Variants in SAMMSON observed in about 807,000 individuals in gnomAD.
SAMMSON encodes the protein long intergenic non-protein coding RNA 1212.
At chr3:70,229,638 A>G (rs1701540198) in intron 4 of SAMMSON, among the ~76,000 whole-genome samples, 1 of 152,122 alleles carries the variant, frequency 6.6e-6, no homozygotes, top group South Asian at 2.1e-4. Context: ...TTCTCTACTT[A>G]TTGGCCAGCT....
chr3:70,337,268 T>A (rs1390333738), intron 7 of SAMMSON, among the ~76,000 whole-genome samples: 2 of 150,636 alleles, frequency 1.3e-5, no homozygotes, highest in African/African-American at 4.9e-5. Context: ...GAGTTTTATG[T>A]CTCCTGCTCT....
chr3:70,409,401 T>C (rs999449385), intron 2 of SAMMSON, among the ~76,000 whole-genome samples: 2 of 152,144 alleles, frequency 1.3e-5, no homozygotes, highest in African/African-American at 4.8e-5. Context: ...ACAACGTTTT[T>C]TGCATACAGA....
chr3:70,179,473 C>T (rs1416789517), intron 4 of SAMMSON, among the ~76,000 whole-genome samples: 5 of 152,238 alleles, frequency 3.3e-5, no homozygotes, highest in Admixed American at 2.6e-4. Flanking sequence ...CCTGCTCCCT[C>T]AGCTGCTCTT....
chr3:70,375,633 TATC>T (rs1347317174), intron 9 of SAMMSON, among the ~76,000 whole-genome samples: 1 of 152,190 alleles, frequency 6.6e-6, no homozygotes, highest in African/African-American at 2.4e-5. Flanking sequence ...AAATATGGCA[TATC>T]AACAGGATTA....
In SAMMSON at chr3:70,372,608, A is replaced by T. The variant is rs576464224; in HGVS notation, n.913+14284A>T. 2.0e-5 allele frequency among the ~76,000 whole-genome samples: 3 copies of T among 152,030 alleles called. No homozygotes were observed. The East Asian group carries it at 5.8e-4, about 29-fold the overall frequency. The stretch of plus-strand genomic sequence containing the variant: ...AGCCACCATGCCCACACTATTTTTT[A>T]ATGTTGAGTTTTGACAGCTCTTTAC... On this transcript the variant is annotated intron_variant and non_coding_transcript_variant, in intron 9 of 9. Coordinates refer to ENST00000642114, the Ensembl canonical transcript of SAMMSON.
intron 4 of SAMMSON, among the ~76,000 whole-genome samples, chr3:70,181,026 C>T (rs1025009978): frequency 2.0e-5 from 3 of 152,060 alleles, no homozygotes; most frequent in South Asian, 2.1e-4. Flanking sequence ...CAGATCTTCC[C>T]GGCCTGGCAA....
At chr3:70,292,577 A>G (rs761405810) in intron 7 of SAMMSON, among the ~76,000 whole-genome samples, 1 of 152,102 alleles carries the variant, frequency 6.6e-6, no homozygotes, top group Non-Finnish European at 1.5e-5. Context: ...AGTATTTTTT[A>G]TGCCAAACTA....
chr3:70,372,315 T>C (rs1279688518), intron 9 of SAMMSON, among the ~76,000 whole-genome samples: 1 of 151,924 alleles, frequency 6.6e-6, no homozygotes, highest in Non-Finnish European at 1.5e-5. Context: ...TTTATTTATA[T>C]ATTTATTTAT....
At chr3:70,186,341 C>CT (rs1429512530) in intron 4 of SAMMSON, among the ~76,000 whole-genome samples, 7 of 151,692 alleles carry the variant, frequency 4.6e-5, no homozygotes, top group South Asian at 4.2e-4. Context: ...TCACTGCAGC[C>CT]TTGATGTCCT....
intron 1 of SAMMSON, among the ~76,000 whole-genome samples, chr3:70,010,876 C>G (rs962505364): frequency 6.6e-6 from 1 of 152,082 alleles, no homozygotes; most frequent in African/African-American, 2.4e-5. Context: ...ATGCCAGACG[C>G]TTATAAAACC....
At chr3:70,004,604 A>G (rs1214602967) in intron 1 of SAMMSON, among the ~76,000 whole-genome samples, 1 of 152,168 alleles carries the variant, frequency 6.6e-6, no homozygotes, top group Non-Finnish European at 1.5e-5. Flanking sequence ...GAAACAAAGA[A>G]ATACCTAAAC....
In SAMMSON at chr3:70,064,680, G is replaced by A. The variant is rs368542647; in HGVS notation, n.418-6796G>A. On this transcript the variant is annotated intron_variant and non_coding_transcript_variant, in intron 3 of 9. Transcript: ENST00000642114. ...CAAGGGAAGAAAGCTGTTAGAGGCA[G>A]GAGCAGATGTAAGGAAGGCACAAAA... Among the ~76,000 whole-genome samples, 131 of 152,252 alleles carry A rather than the reference G, an allele frequency of 8.6e-4. 2 individuals are homozygous for A. In the South Asian group the frequency reaches 0.027, roughly 31 times the overall value.
At chr3:70,405,931 A>T (rs1171194012) in intron 2 of SAMMSON, among the ~76,000 whole-genome samples, 1 of 152,344 alleles carries the variant, frequency 6.6e-6, no homozygotes, top group East Asian at 1.9e-4. Flanking sequence ...AGAAGAAAAA[A>T]TCTTAACCAA....
At chr3:70,085,266 T>A (rs550011788) in intron 4 of SAMMSON, among the ~76,000 whole-genome samples, 118 of 151,860 alleles carry the variant, frequency 7.8e-4, no homozygotes, top group African/African-American at 2.7e-3. Flanking sequence ...GTTATCTGCT[T>A]AATATCCTTC....
chr3:70,298,304 G>T (rs1296068021), intron 7 of SAMMSON, among the ~76,000 whole-genome samples: 1 of 151,990 alleles, frequency 6.6e-6, no homozygotes, highest in Non-Finnish European at 1.5e-5. Context: ...ATTTTCAAGT[G>T]CTTGTTTCAC....
chr3:70,249,532 C>T (rs1243887403), intron 5 of SAMMSON: 1 of 152,128 alleles, frequency 6.6e-6, no homozygotes. Flanking sequence ...TTTCCCCTCT[C>T]TCTTTTATGC....
intron 4 of SAMMSON, among the ~76,000 whole-genome samples, chr3:70,093,100 A>G (rs1467200443): frequency 6.6e-6 from 1 of 151,926 alleles, no homozygotes; most frequent in African/African-American, 2.4e-5. Context: ...TGCTTGTTTC[A>G]TGTCTCTTCC....
chr3:70,187,255 T>A (rs1701098008), intron 4 of SAMMSON, among the ~76,000 whole-genome samples: 1 of 152,150 alleles, frequency 6.6e-6, no homozygotes, highest in Admixed American at 6.5e-5. Flanking sequence ...TATGGTTTCA[T>A]CAGAGTACCC....
intron 7 of SAMMSON, among the ~76,000 whole-genome samples, chr3:70,343,380 G>A (rs981340143): frequency 1.3e-5 from 2 of 151,816 alleles, no homozygotes; most frequent in East Asian, 1.9e-4. Flanking sequence ...GCCTCCTTTG[G>A]CTCCTCTTTA....
Sources: gnomAD v4.1 joint callset for allele counts (sites outside exome capture counted in the v4.1 genomes callset) on GRCh38, gnomAD v4.1.1 for gene constraint, MANE v1.5 for transcripts, NCBI Gene and HGNC (gene_info 2026-07-23, HGNC 2026-07-21) for gene names.